The following INTS3 variants were observed in gnomAD, a reference collection of about 807,000 sequenced individuals.
The protein encoded by INTS3 is SOSS complex subunit A.
In INTS3, 34 loss-of-function variants were observed where a neutral mutation model predicts 146.3. The observed-to-expected ratio is 0.23, with a 90% confidence interval of 0.18 to 0.31. The LOEUF is 0.31. Ranked by LOEUF, INTS3 falls within the 10% of genes least tolerant of loss-of-function variation. The pLI is 1.00. For missense variants in INTS3, 757 were observed against 1,304.2 expected, an observed-to-expected ratio of 0.58 and a Z score of 6.46; for synonymous variants, 475 against 494.9, an observed-to-expected ratio of 0.96 and a Z score of 0.53.
rs1360449877 is a variant in INTS3, at chr1:153,772,272, G to A, written c.2721-68G>A. ...CCTCTGTCTTAAGGGGGCCCTGGCG[G>A]GTGGAGGGTGTCTCGCACTCTGGAA... is the stretch of plus-strand genomic sequence containing the variant. On this transcript the variant is annotated intron_variant, in intron 26 of 29. Transcript: ENST00000318967. The surrounding 1 kb of genome is among the most constrained non-coding windows in gnomAD (Gnocchi z 4.6). The A allele has an allele frequency of 1.3e-6, 2 of 1,547,430 alleles. No homozygotes were observed. Among genetic ancestry groups the A allele is most frequent in the East Asian group, 2.3e-5 (1 of 44,366 alleles).
chr1:153,762,386 G>A (rs1380330464), intron 14 of INTS3, among the ~76,000 whole-genome samples: 1 of 152,260 alleles, frequency 6.6e-6, no homozygotes, highest in Non-Finnish European at 1.5e-5. Flanking sequence ...GGAGGTTGCA[G>A]TGAGCCGAGA....
chr1:153,755,161 T>G (rs1369943629), intron 9 of INTS3, among the ~76,000 whole-genome samples: 1 of 152,184 alleles, frequency 6.6e-6, no homozygotes, highest in African/African-American at 2.4e-5. Flanking sequence ...CAGACTTGAC[T>G]GAATAATGGC....
rs1671496976 is a variant in INTS3 at position 153,740,722 on chromosome 1, C to A, written c.222C>A (p.Ala74=). Residue 74 remains alanine (A), a synonymous_variant, in exon 2 of 30, where the codon GCC becomes GCA. Transcript: ENST00000318967. ...AGVSEREAND[A]LNAYVCKGLP... The stretch of plus-strand genomic sequence containing the variant: ...TCTCGGAGAGAGAAGCCAATGATGC[C>A]CTCAATGCGTATGTAAGTAGAATGC... 4.3e-6 allele frequency: 7 copies of A among 1,611,854 alleles called. No homozygotes were observed. Among genetic ancestry groups the A allele is most frequent in the Non-Finnish European group, 5.9e-6 (7 of 1,178,136 alleles).
rs1570840941 is a variant in INTS3 at position 153,740,184 on chromosome 1, C to G, written c.151-467C>G. Among the ~76,000 whole-genome samples, 4 of 152,268 alleles carry G rather than the reference C, an allele frequency of 2.6e-5. No homozygotes were observed. The South Asian group carries it at 8.3e-4, about 32-fold the overall frequency. ...GCGCGATCTCTGCTCACTGCTGCCT[C>G]TGCCTCCCGGGTTCCAGAGATTCTC... On this transcript the variant is annotated intron_variant, in intron 1 of 29. Transcript: ENST00000318967.
At chr1:153,732,380 C>T (rs1310966777) in intron 1 of INTS3, among the ~76,000 whole-genome samples, 2 of 152,016 alleles carry the variant, frequency 1.3e-5, no homozygotes, top group African/African-American at 2.4e-5. Flanking sequence ...ATACCAGTGA[C>T]TCATGGTTGT....
Position 153,772,094 on chromosome 1 carries a change from T to A in INTS3, c.2720+131T>A. The A allele has an allele frequency of 9.3e-7, 1 of 1,075,500 alleles. No individual in the cohort carries two copies. The highest frequency in any genetic ancestry group is 1.3e-6 in the Non-Finnish European group (1 of 755,148). The allele number at this position is 1,075,500 out of a possible 1,614,324, so 66.6% of individuals were successfully genotyped here. ...CCCAGCCTGGTTTGTGGGCGACATCTAGTGGTCCGAAGCCACATGGCATGC... is the reference window on the plus strand; with the variant it reads ...CCCAGCCTGGTTTGTGGGCGACATCAAGTGGTCCGAAGCCACATGGCATGC... On this transcript the variant is annotated intron_variant, in intron 26 of 29. Coordinates refer to ENST00000318967, the MANE Select transcript of INTS3 (RefSeq NM_023015.5). This position sits in a 1 kb window ranked among gnomAD's most constrained non-coding sequence, Gnocchi z 4.6.
chr1:153,770,817 C>T lies in INTS3; in HGVS notation c.2552+84C>T, dbSNP rs1377088367. ...GGTCTAAAGGGCTTCTGTCCTCCTCCTTATTGCCATATTTTTTCCTGTCGT... is the reference window on the plus strand; with the variant it reads ...GGTCTAAAGGGCTTCTGTCCTCCTCTTTATTGCCATATTTTTTCCTGTCGT... On this transcript the variant is annotated intron_variant, in intron 25 of 29. Transcript: ENST00000318967. 6.8e-6 allele frequency: 7 copies of T among 1,032,578 alleles called. No homozygotes were observed. The African/African-American group carries it at 9.5e-5, about 14-fold the overall frequency. The allele number at this position is 1,032,578 out of a possible 1,614,324, so 64.0% of individuals were successfully genotyped here.
Position 153,754,757 on chromosome 1 carries a change from A to C in INTS3, c.957+18A>C. ...CATCCCGGGTAAGCTAAGGTGTTGC[A>C]GCAAGAGAAGAGGTCACACGCTGGC... On this transcript the variant is annotated intron_variant, in intron 9 of 29. Transcript: ENST00000318967. The C allele has an allele frequency of 6.6e-7, 1 of 1,518,618 alleles. No homozygotes were observed. The highest frequency in any genetic ancestry group is 9.1e-7 in the Non-Finnish European group (1 of 1,092,980). The allele number at this position is 1,518,618 out of a possible 1,614,324, so 94.1% of individuals were successfully genotyped here. A position where few individuals can be genotyped will look rare whatever the true frequency, so the allele number is the denominator to read the frequency against.
At chr1:153,770,862 C>T in intron 25 of INTS3, 129 bp downstream of exon 25, 1 of 744,004 alleles carries the variant, frequency 1.3e-6, no homozygotes, top group South Asian at 1.5e-5. Context: ...CTTATTCTGC[C>T]CTTCCCCCAA....
chr1:153,768,847 G>A, intron 21 of INTS3, 46 bp from the exon 22 acceptor site: 1 of 1,475,278 alleles, frequency 6.8e-7, no homozygotes, highest in East Asian at 2.3e-5. Context: ...TGGGATAAAA[G>A]CTGAGGAGCC....
intron 3 of INTS3, among the ~76,000 whole-genome samples, chr1:153,742,505 T>TGC (rs1553236917): frequency 2.6e-5 from 4 of 151,922 alleles, no homozygotes; most frequent in South Asian, 2.1e-4. Context: ...TGTGTGTGTG[T>TGC]GTGCGTGCGC....
chr1:153,746,428 C>T (rs1168516736), intron 3 of INTS3, among the ~76,000 whole-genome samples: 6 of 151,168 alleles, frequency 4.0e-5, no homozygotes, highest in South Asian at 2.1e-4. Flanking sequence ...TTCGCTCCGT[C>T]GCCCAGGCTA....
intron 1 of INTS3, among the ~76,000 whole-genome samples, chr1:153,734,771 A>G (rs1022715118): frequency 6.6e-6 from 1 of 152,106 alleles, no homozygotes; most frequent in Non-Finnish European, 1.5e-5. Flanking sequence ...TGTCTCCTAG[A>G]AGGCAAAAGT....
chr1:153,769,961 T>C (rs12070179), intron 23 of INTS3, 117 bp downstream of exon 23: 66,280 of 785,530 alleles, frequency 0.084, 5,581 homozygotes, highest in African/African-American at 0.35. Context: ...GGGGAGAGAA[T>C]TGTACTCCAC....
At chr1:153,753,777 T>G (rs1057505369) in intron 8 of INTS3, 4 of 149,218 alleles carry the variant, frequency 2.7e-5, no homozygotes, top group African/African-American at 9.9e-5. Context: ...CGCCTCAGCC[T>G]CCCAGGTAGC....
rs551198839 is a variant in INTS3 at position 153,745,965 on chromosome 1, C to T, written c.319-992C>T. Reference sequence around the variant, plus strand: ...AAAACTGTTTTAAAAATTATCTGGGCGTGGTGGTGCATGCCTGTAGTACCA... The same window carrying T: ...AAAACTGTTTTAAAAATTATCTGGGTGTGGTGGTGCATGCCTGTAGTACCA... On this transcript the variant is annotated intron_variant, in intron 3 of 29. Coordinates refer to ENST00000318967, the MANE Select transcript of INTS3 (RefSeq NM_023015.5). Among the ~76,000 whole-genome samples, 58 of 152,202 alleles carry T rather than the reference C, an allele frequency of 3.8e-4. No homozygotes were observed. In the South Asian group the frequency reaches 0.011, roughly 29 times the overall value.
At chr1:153,730,038 T>C (rs1054232951) in intron 1 of INTS3, among the ~76,000 whole-genome samples, 1 of 152,102 alleles carries the variant, frequency 6.6e-6, no homozygotes, top group Non-Finnish European at 1.5e-5. Flanking sequence ...TATTAGAGGG[T>C]GGGCAGGCAG....
chr1:153,757,520 A>G lies in INTS3; in HGVS notation c.958-52A>G. On this transcript the variant is annotated intron_variant, in intron 9 of 29. Coordinates refer to ENST00000318967, the MANE Select transcript of INTS3 (RefSeq NM_023015.5). The surrounding 1 kb of genome is among the most constrained non-coding windows in gnomAD (Gnocchi z 4.0). ...AAGTGGTGCTCGTTTTCCTCTGGCC[A>G]AGGACCCCACACTGTCTTCTAAGGT... The G allele has an allele frequency of 6.5e-7, 1 of 1,542,610 alleles. No individual in the cohort carries two copies. Among genetic ancestry groups the G allele is most frequent in the Non-Finnish European group, 8.9e-7 (1 of 1,122,242 alleles).
chr1:153,730,409 C>T (rs983315358), intron 1 of INTS3, among the ~76,000 whole-genome samples: 2 of 152,142 alleles, frequency 1.3e-5, no homozygotes, highest in African/African-American at 2.4e-5. Context: ...ATTTCTTGAT[C>T]CCTGTGTACT....
Sources: gnomAD v4.1 joint callset for allele counts (sites outside exome capture counted in the v4.1 genomes callset) on GRCh38, gnomAD v4.1.1 for gene constraint, Gnocchi (gnomAD v3.1) non-coding constraint, MANE v1.5 for transcripts, NCBI Gene and HGNC (gene_info 2026-07-23, HGNC 2026-07-21) for gene names.